The following ZMAT4 variants were observed in gnomAD, a reference collection of about 807,000 sequenced individuals.
ZMAT4 encodes zinc finger matrin-type 4.
A neutral mutation model predicts 28.7 loss-of-function variants in ZMAT4; 17 were observed. The observed-to-expected ratio is 0.59, with a 90% CI of 0.41 to 0.89. The LOEUF (loss-of-function observed/expected upper bound fraction) is 0.89, where lower values mean the gene tolerates loss of function less well. Ranked by LOEUF, ZMAT4 falls within the 40% of genes least tolerant of loss-of-function variation. The pLI, the probability that ZMAT4 is intolerant of heterozygous loss-of-function variation, is 0.00. For synonymous variants in ZMAT4, 117 were observed against 109.2 expected (o/e 1.07, Z -0.44); for missense variants, 240 against 283.8 (o/e 0.85, Z 1.11).
chr8:40,784,098 A>G (rs997071820), intron 2 of ZMAT4, among the ~76,000 whole-genome samples: 4 of 152,070 alleles, frequency 2.6e-5, no homozygotes, highest in African/African-American at 9.7e-5. Context: ...ACCACCAACA[A>G]TATTTTTTAG....
chr8:40,723,664 T>G (rs1585942863), intron 3 of ZMAT4, among the ~76,000 whole-genome samples: 1 of 151,874 alleles, frequency 6.6e-6, no homozygotes, highest in African/African-American at 2.4e-5. Context: ...GATTTAGGAA[T>G]CTAACCAGAT....
intron 1 of ZMAT4, among the ~76,000 whole-genome samples, chr8:40,874,513 T>A (rs1817974609): frequency 6.6e-6 from 1 of 152,232 alleles, no homozygotes; most frequent in South Asian, 2.1e-4. Flanking sequence ...AATCTCACAG[T>A]TGGGTCTCTG....
rs144821069 is a variant in ZMAT4 at position 40,643,363 on chromosome 8, A to G, written c.577+31341T>C. On this transcript the variant is annotated intron_variant, in intron 5 of 6. Transcript: ENST00000297737. ...ACTGAAGCATGCTTTGCCTACAAAA[A>G]TAAATACATATTTGACACTTGGAAA... 2.0e-4 allele frequency among the ~76,000 whole-genome samples: 30 copies of G among 152,344 alleles called. No homozygotes were observed. The East Asian group carries it at 5.8e-3, about 29-fold the overall frequency.
chr8:40,790,995 T>C (rs1000559707), intron 2 of ZMAT4, among the ~76,000 whole-genome samples: 1 of 152,236 alleles, frequency 6.6e-6, no homozygotes, highest in African/African-American at 2.4e-5. Flanking sequence ...ATATGGTCAA[T>C]TGATTTTGAA....
At chr8:40,824,543 G>T (rs1244812873) in intron 2 of ZMAT4, among the ~76,000 whole-genome samples, 3 of 151,996 alleles carry the variant, frequency 2.0e-5, no homozygotes, top group African/African-American at 7.3e-5. Flanking sequence ...ACATGCCCTA[G>T]TAGCTCTCAG....
chr8:40,742,606 A>G lies in ZMAT4; in HGVS notation c.192+25035T>C, dbSNP rs148271726. 2.0e-3 allele frequency among the ~76,000 whole-genome samples: 310 copies of G among 152,280 alleles called. 3 individuals carry two copies. The highest frequency in any genetic ancestry group is 6.9e-3 in the African/African-American group (287 of 41,564). On this transcript the variant is annotated intron_variant, in intron 3 of 6. Transcript: ENST00000297737. ...ACAAACTGATTTTATAGGGACCTCA[A>G]ATTCAAAGGTGCCTCCCTCCAATTT...
chr8:40,780,783 C>G (rs1322156236), intron 2 of ZMAT4, among the ~76,000 whole-genome samples: 1 of 152,038 alleles, frequency 6.6e-6, no homozygotes, highest in African/African-American at 2.4e-5. Context: ...GAAGGAAAGG[C>G]AAAAACCCTA....
intron 3 of ZMAT4, among the ~76,000 whole-genome samples, chr8:40,757,585 C>CAA (rs1198724259): frequency 3.9e-5 from 4 of 103,380 alleles, no homozygotes; most frequent in African/African-American, 1.1e-4. Flanking sequence ...GACCCCATCT[C>CAA]AAAAAAAAAA....
chr8:40,823,398 C>T (rs1398917640), intron 2 of ZMAT4, among the ~76,000 whole-genome samples: 1 of 152,092 alleles, frequency 6.6e-6, no homozygotes, highest in Non-Finnish European at 1.5e-5. Flanking sequence ...GTGGCTCGCA[C>T]CTATAACCTC....
At position 40,668,901 on chromosome 8, in the gene ZMAT4, C is replaced by T. The variant is rs528248483; in HGVS notation, c.577+5803G>A. 1.7e-4 allele frequency among the ~76,000 whole-genome samples: 25 copies of T among 149,794 alleles called. 1 individual carries two copies. Among genetic ancestry groups the T allele is most frequent in the Non-Finnish European group, 3.5e-4 (24 of 67,686 alleles). On this transcript the variant is annotated intron_variant, in intron 5 of 6. Transcript: ENST00000297737. ...AGTGTTTTTTTTTTTTTATATTGGA[C>T]AATGCCCTTGACTACCCAGAACACC...
At chr8:40,697,131 G>A (rs912195408) in intron 4 of ZMAT4, 114 bp downstream of exon 4, 45 of 1,261,276 alleles carry the variant, frequency 3.6e-5, no homozygotes, top group Admixed American at 3.0e-4. Context: ...TTTGAATGAC[G>A]TCTACCATTA....
chr8:40,669,888 T>C (rs1271203049), intron 5 of ZMAT4, among the ~76,000 whole-genome samples: 2 of 152,130 alleles, frequency 1.3e-5, no homozygotes, highest in African/African-American at 4.8e-5. Context: ...CTACAAAACA[T>C]TGCCTATACA....
At chr8:40,626,102 C>T (rs1424287462) in intron 5 of ZMAT4, among the ~76,000 whole-genome samples, 1 of 91,336 alleles carries the variant, frequency 1.1e-5, no homozygotes, top group Non-Finnish European at 2.1e-5. Context: ...AAGAGCAAAA[C>T]TCTGCCTCAG....
At chr8:40,554,184 CACTT>C (rs1392830672) in intron 6 of ZMAT4, among the ~76,000 whole-genome samples, 3 of 152,064 alleles carry the variant, frequency 2.0e-5, no homozygotes, top group Non-Finnish European at 2.9e-5. Flanking sequence ...TTTTGGGGGT[CACTT>C]AAAGTTTTTT....
chr8:40,737,921 A>T (rs998947588), intron 3 of ZMAT4, among the ~76,000 whole-genome samples: 5 of 152,140 alleles, frequency 3.3e-5, no homozygotes, highest in Middle Eastern at 3.4e-3. Flanking sequence ...GCACTTGGTC[A>T]TGTTAGTGAT....
intron 1 of ZMAT4, among the ~76,000 whole-genome samples, chr8:40,860,680 C>A (rs1289876801): frequency 6.6e-6 from 1 of 152,236 alleles, no homozygotes; most frequent in Admixed American, 6.5e-5. Flanking sequence ...ATGTCTCTCA[C>A]TTGACTGGGA....
chr8:40,578,895 C>A (rs894373301), intron 6 of ZMAT4, among the ~76,000 whole-genome samples: 1 of 152,174 alleles, frequency 6.6e-6, no homozygotes, highest in Admixed American at 6.5e-5. Context: ...GGCTCCCATT[C>A]CAAGCCTAAG....
intron 5 of ZMAT4, among the ~76,000 whole-genome samples, chr8:40,634,570 C>A (rs1476889779): frequency 1.3e-5 from 2 of 152,156 alleles, no homozygotes; most frequent in Admixed American, 1.3e-4. Context: ...TAATGTCATG[C>A]ATCAAGCAGT....
intron 2 of ZMAT4, among the ~76,000 whole-genome samples, chr8:40,792,329 A>T (rs951412727): frequency 1.3e-5 from 2 of 151,396 alleles, no homozygotes; most frequent in African/African-American, 2.4e-5. Flanking sequence ...ATAGTTATAT[A>T]TTCCCTGAAC....
Sources: gnomAD v4.1 joint callset for allele counts (sites outside exome capture counted in the v4.1 genomes callset) on GRCh38, gnomAD v4.1.1 for gene constraint, MANE v1.5 for transcripts, NCBI Gene and HGNC (gene_info 2026-07-23, HGNC 2026-07-21) for gene names.